Variants in CARD8 observed in about 807,000 individuals in gnomAD.
CARD8 encodes caspase recruitment domain family member 8.
CARD8 carries 38 observed loss-of-function variants against 53.2 expected under a neutral mutation model. The ratio of observed to expected loss-of-function variants is 0.71; its 90% CI spans 0.55 to 0.94. The LOEUF (loss-of-function observed/expected upper bound fraction) is 0.94, where lower values mean the gene tolerates loss of function less well. Ranked by LOEUF, CARD8 falls within the 40% of genes least tolerant of loss-of-function variation. The pLI, the probability that CARD8 is intolerant of heterozygous loss-of-function variation, is 0.00. For synonymous variants in CARD8, 245 were observed against 244.9 expected, an observed-to-expected ratio of 1.00 and a Z score of 0.00; for missense variants, 561 against 655.5, an observed-to-expected ratio of 0.86 and a Z score of 1.57.
chr19:48,223,313 A>T (rs58458893), intron 10 of CARD8, among the ~76,000 whole-genome samples: 1,969 of 151,832 alleles, frequency 0.013, 46 homozygotes, highest in African/African-American at 0.042. Flanking sequence ...CAAAAAAAAA[A>T]AAAGAAATAA....
chr19:48,215,579 G>A (rs143972123), intron 12 of CARD8, among the ~76,000 whole-genome samples, 195 bp from the exon 13 acceptor site: 10 of 152,296 alleles, frequency 6.6e-5, no homozygotes, highest in South Asian at 4.1e-4. Flanking sequence ...AAAAGGCATC[G>A]GAGGAAGAAA....
downstream of CARD8, among the ~76,000 whole-genome samples, chr19:48,205,145 G>A (rs1226583045): frequency 6.6e-6 from 1 of 152,208 alleles, no homozygotes; most frequent in Non-Finnish European, 1.5e-5. Flanking sequence ...CTAACGCCAA[G>A]ATCAGCACTG....
Position 48,241,405 on chromosome 19 carries a change from G to A in CARD8, c.-43-342C>T, listed in dbSNP as rs141640141. Among the ~76,000 whole-genome samples, 89 of 152,174 alleles carry A rather than the reference G, an allele frequency of 5.8e-4. 1 individual carries two copies. In the East Asian group the frequency reaches 0.015, roughly 26 times the overall value. ...TGAGTAGCTGGGATTACAGGCATGC[G>A]CCACCATACCCGGCTAATTTTTCTA... On this transcript the variant is annotated intron_variant, in intron 3 of 13. Transcript: ENST00000651546.
In CARD8 at chr19:48,220,942, AGAAAG is replaced by A. The variant is rs1403802958; in HGVS notation, c.1161+783_1161+787del. ...AGGAAAGAAAGAGAGAAAGAGGGAA[AGAAAG>A]GAAAGGAAAGGAAGGAAGGAAGGAA... On this transcript the variant is annotated intron_variant, in intron 11 of 13. Coordinates refer to ENST00000651546, the MANE Select transcript of CARD8 (RefSeq NM_001184900.3). Among the ~76,000 whole-genome samples the A allele has an allele frequency of 7.9e-3, 627 of 79,100 alleles. 10 individuals are homozygous for A. Among genetic ancestry groups the A allele is most frequent in the African/African-American group, 0.021 (429 of 20,444 alleles). The allele number at this position is 79,100 out of a possible 152,430, so 51.9% of individuals were successfully genotyped here.
At chr19:48,230,746 G>A (rs1043742422) in intron 9 of CARD8, 31 bp downstream of exon 9, 1 of 1,612,788 alleles carries the variant, frequency 6.2e-7, no homozygotes, top group Non-Finnish European at 8.5e-7. Context: ...CACCCCAGCG[G>A]CCCCCACAGC....
intron 7 of CARD8, 155 bp from the exon 8 acceptor site, chr19:48,231,965 C>T: frequency 1.4e-6 from 1 of 721,784 alleles, no homozygotes; most frequent in Non-Finnish European, 2.5e-6. Context: ...TTCTTTGAAT[C>T]CAGACAAAGA....
chr19:48,213,430 G>T (rs532017576), intron 13 of CARD8, among the ~76,000 whole-genome samples: 2 of 151,900 alleles, frequency 1.3e-5, no homozygotes, highest in East Asian at 3.9e-4. Flanking sequence ...GCTGGAGTGC[G>T]ATGGCACGAT....
Position 48,211,109 on chromosome 19 carries a change from A to G in CARD8, c.*601T>C, listed in dbSNP as rs1005674225. ...TAGCAGGCTACACACCAGTGGGAAAATATTTTCTGCTCATGTTTGCATTTT... is the reference window on the plus strand; with the variant it reads ...TAGCAGGCTACACACCAGTGGGAAAGTATTTTCTGCTCATGTTTGCATTTT... On this transcript the variant is annotated 3_prime_UTR_variant, in exon 14 of 14. Transcript: ENST00000651546. 4 of 152,496 alleles carry G rather than the reference A, an allele frequency of 2.6e-5. No homozygotes were observed. Among genetic ancestry groups the G allele is most frequent in the Non-Finnish European group, 5.9e-5 (4 of 68,114 alleles). The allele number at this position is 152,496 out of a possible 1,614,324, so 9.4% of individuals were successfully genotyped here.
chr19:48,222,606 T>C (rs2040881743), intron 10 of CARD8, among the ~76,000 whole-genome samples: 1 of 151,462 alleles, frequency 6.6e-6, no homozygotes, highest in Admixed American at 6.6e-5. Flanking sequence ...GGAGAATCAC[T>C]TGAACCCAGG....
At chr19:48,217,866 C>A (rs2039653402) in intron 12 of CARD8, among the ~76,000 whole-genome samples, 1 of 152,188 alleles carries the variant, frequency 6.6e-6, no homozygotes, top group Non-Finnish European at 1.5e-5. Context: ...TGATGTTGAG[C>A]TTCTGTGAAT....
intron 6 of CARD8, chr19:48,233,927 T>G (rs2043380587): frequency 6.2e-6 from 1 of 160,528 alleles, no homozygotes; most frequent in Non-Finnish European, 1.4e-5. Flanking sequence ...GACAGACTTC[T>G]GCATGTGTTC....
At chr19:48,217,669 G>A (rs17294094) in intron 12 of CARD8, among the ~76,000 whole-genome samples, 68,332 of 151,862 alleles carry the variant, frequency 0.45, 16,670 homozygotes, top group Non-Finnish European at 0.56. Flanking sequence ...TTCATGCTGT[G>A]TTACCCAAGA....
Position 48,240,981 on chromosome 19 carries a change from C to T in CARD8, c.40G>A (p.Glu14Lys). Residue 14 changes from glutamate (E) to lysine (K), a missense_variant, in exon 4 of 14, where the codon GAG (glutamate) becomes AAG (lysine). By Grantham distance (56) the Glu-to-Lys change is moderately conservative. Transcript: ENST00000651546. ...KECPEKSSSS[E>K]EELPRRDSGS... ...ACTCACCGTCTCGGCAGCTCTTCCTCACTGCTGCTACTCTTTTCTGGACAC... is the reference window on the plus strand; with the variant it reads ...ACTCACCGTCTCGGCAGCTCTTCCTTACTGCTGCTACTCTTTTCTGGACAC... 1 of 1,536,066 alleles carries T rather than the reference C, an allele frequency of 6.5e-7. No homozygotes were observed. The highest frequency in any genetic ancestry group is 1.2e-5 in the South Asian group (1 of 84,054).
chr19:48,207,734 G>GTTTTTTTTTTTTTTTTTTTTTTTTTTTT (rs758903014), downstream of CARD8, among the ~76,000 whole-genome samples: 11 of 116,550 alleles, frequency 9.4e-5, 1 homozygote, highest in African/African-American at 3.0e-4. Context: ...TTGTTTTTCT[G>GTTTTTTTTTTTTTTTTTTTTTTTTTTTT]TTTTTTTTTT....
intron 10 of CARD8, chr19:48,223,635 T>G: frequency 3.3e-6 from 1 of 300,196 alleles, no homozygotes; most frequent in Non-Finnish European, 6.6e-6. Flanking sequence ...AATAACAGAT[T>G]AGAACTAAAT....
Position 48,234,477 on chromosome 19 carries a change from A to T in CARD8, c.276T>A (p.Asp92Glu). ...ATAATGGCTCTGCCTCTGTCTCATC[A>T]TCTTCTTGGAAAAAATGTGAGATGT... ...LCDISHFFQE[D>E]DETEAEPLLF... Residue 92 changes from aspartate (D) to glutamate (E), a missense_variant, in exon 6 of 14, where the codon GAT (aspartate) becomes GAA (glutamate). By Grantham distance (45) the Asp-to-Glu change is conservative. Coordinates refer to ENST00000651546, the MANE Select transcript of CARD8 (RefSeq NM_001184900.3). 11 of 1,613,944 alleles carry T rather than the reference A, an allele frequency of 6.8e-6. No individual in the cohort carries two copies. Among genetic ancestry groups the T allele is most frequent in the Non-Finnish European group, 9.3e-6 (11 of 1,179,872 alleles).
intron 4 of CARD8, 24 bp from the exon 5 acceptor site, chr19:48,238,556 G>A: frequency 6.5e-7 from 1 of 1,535,778 alleles, no homozygotes; most frequent in Non-Finnish European, 8.7e-7. Context: ...AATGGAATTG[G>A]AATGTGAGCA....
intron 10 of CARD8, among the ~76,000 whole-genome samples, chr19:48,224,338 TCA>T (rs2041305927): frequency 6.6e-6 from 1 of 152,188 alleles, no homozygotes; most frequent in Non-Finnish European, 1.5e-5. Flanking sequence ...TTCATTTAAC[TCA>T]CAATATCATT....
chr19:48,236,306 G>A (rs988140664), intron 5 of CARD8, among the ~76,000 whole-genome samples: 7 of 152,222 alleles, frequency 4.6e-5, no homozygotes, highest in African/African-American at 7.2e-5. Flanking sequence ...TCTGCCTCCC[G>A]GGTTCAAGCT....
Sources: gnomAD v4.1 joint callset for allele counts (sites outside exome capture counted in the v4.1 genomes callset) on GRCh38, gnomAD v4.1.1 for gene constraint, MANE v1.5 for transcripts, NCBI Gene and HGNC (gene_info 2026-07-23, HGNC 2026-07-21) for gene names.